The following AP2B1 variants were observed in gnomAD, a reference collection of about 807,000 sequenced individuals.
AP2B1 encodes the protein adaptor related protein complex 2 subunit beta 1, also known as AP-2 complex subunit beta.
In AP2B1, 23 loss-of-function variants were observed where a neutral mutation model predicts 102.0. The ratio of observed to expected loss-of-function variants is 0.23; its 90% CI spans 0.16 to 0.32. The LOEUF (loss-of-function observed/expected upper bound fraction) is 0.32. AP2B1 is among the 10% of genes least tolerant of loss of function. The pLI, the probability that AP2B1 is intolerant of heterozygous loss-of-function variation, is 1.00. For synonymous variants in AP2B1, 381 were observed against 421.2 expected, an observed-to-expected ratio of 0.90 and a Z score of 1.17; for missense variants, 541 against 1,157.4, an observed-to-expected ratio of 0.47 and a Z score of 7.73.
rs778942254 is a variant in AP2B1 at position 35,627,405 on chromosome 17, A to C, written c.959A>C (p.Glu320Ala). 1 of 1,613,870 alleles carries C rather than the reference A, an allele frequency of 6.2e-7. No homozygotes were observed. Among genetic ancestry groups the C allele is most frequent in the Non-Finnish European group, 8.5e-7 (1 of 1,179,972 alleles). Residue 320 changes from glutamate (E) to alanine (A), a missense_variant, in exon 8 of 22, where the codon GAA (glutamate) becomes GCA (alanine). By Grantham distance (107) the Glu-to-Ala change is moderately radical (BLOSUM62 -1). Coordinates refer to ENST00000610402, the MANE Select transcript of AP2B1 (RefSeq NM_001030006.2). ...CCTAGGCCTGAAATCTTGAAGCAGG[A>C]AATCAAAGTCTTCTTTGTGAAGTAC... Reference protein sequence around the residue: ...VQKRPEILKQEIKVFFVKYND... With the variant: ...VQKRPEILKQAIKVFFVKYND...
At chr17:35,601,045 G>T in intron 3 of AP2B1, 1 of 979,948 alleles carries the variant, frequency 1.0e-6, no homozygotes, top group Non-Finnish European at 1.2e-6. Context: ...TAAGGAGTTG[G>T]CAAACGTTTT....
intron 13 of AP2B1, among the ~76,000 whole-genome samples, chr17:35,656,461 C>T (rs2075221641): frequency 6.6e-6 from 1 of 152,200 alleles, no homozygotes. Context: ...TTAGATTACT[C>T]TTAGCTGATC....
At chr17:35,708,382 TTCCTGAATGTATATACCA>T (rs2076385220) in intron 18 of AP2B1, among the ~76,000 whole-genome samples, 1 of 152,146 alleles carries the variant, frequency 6.6e-6, no homozygotes, top group Non-Finnish European at 1.5e-5. Flanking sequence ...AATCTGCCTG[TTCCTGAATGTATATACCA>T]ATCAGTGTTG....
intron 5 of AP2B1, among the ~76,000 whole-genome samples, chr17:35,617,628 C>T (rs1251806492): frequency 2.6e-5 from 4 of 152,084 alleles, no homozygotes; most frequent in Admixed American, 1.3e-4. Flanking sequence ...AAGTAGTTCT[C>T]AACAGCAACT....
At chr17:35,688,194 CT>C (rs587682272) in intron 18 of AP2B1, among the ~76,000 whole-genome samples, 1,648 of 150,988 alleles carry the variant, frequency 0.011, 16 homozygotes, top group Non-Finnish European at 0.016. Context: ...GGTTTACTCC[CT>C]CTTTTGATGA....
chr17:35,606,540 T>A (rs972409425), intron 4 of AP2B1, among the ~76,000 whole-genome samples: 3 of 151,968 alleles, frequency 2.0e-5, no homozygotes, highest in African/African-American at 7.3e-5. Flanking sequence ...ACTCCCGGCG[T>A]GATTAATTTT....
intron 13 of AP2B1, among the ~76,000 whole-genome samples, chr17:35,652,709 C>T (rs1487899675): frequency 6.6e-6 from 1 of 152,046 alleles, no homozygotes; most frequent in African/African-American, 2.4e-5. Context: ...TCTATAGGAT[C>T]ATTTATATCT....
At chr17:35,680,136 G>T (rs587644624) in intron 17 of AP2B1, among the ~76,000 whole-genome samples, 56 of 152,150 alleles carry the variant, frequency 3.7e-4, no homozygotes, top group African/African-American at 1.3e-3. Flanking sequence ...TCAAACTCCT[G>T]ACCTCAGGTG....
intron 5 of AP2B1, among the ~76,000 whole-genome samples, chr17:35,617,286 C>T (rs2074051575): frequency 6.6e-6 from 1 of 152,136 alleles, no homozygotes; most frequent in African/African-American, 2.4e-5. Flanking sequence ...GAATTCCTGA[C>T]CTCAAGTGAT....
intron 14 of AP2B1, among the ~76,000 whole-genome samples, chr17:35,667,713 CT>C (rs1171146647): frequency 6.6e-6 from 1 of 152,106 alleles, no homozygotes; most frequent in Non-Finnish European, 1.5e-5. Context: ...CTGCTGTTTC[CT>C]TTCCAATGTG....
intron 18 of AP2B1, among the ~76,000 whole-genome samples, chr17:35,691,960 G>A (rs1272036029): frequency 6.6e-6 from 1 of 152,134 alleles, no homozygotes; most frequent in Non-Finnish European, 1.5e-5. Context: ...TGTCCTTAGT[G>A]AGAACACTCC....
At chr17:35,613,335 T>C (rs1246998635) in intron 5 of AP2B1, among the ~76,000 whole-genome samples, 1 of 151,734 alleles carries the variant, frequency 6.6e-6, no homozygotes, top group African/African-American at 2.4e-5. Flanking sequence ...CTTGGTGTTA[T>C]ATTGACCTCA....
chr17:35,666,454 C>T (rs1598223278), intron 14 of AP2B1, among the ~76,000 whole-genome samples: 1 of 152,266 alleles, frequency 6.6e-6, no homozygotes, highest in South Asian at 2.1e-4. Context: ...GTATCAGTTA[C>T]AGATTTTTAA....
chr17:35,619,415 G>C (rs1415328572), intron 5 of AP2B1, among the ~76,000 whole-genome samples: 1 of 152,098 alleles, frequency 6.6e-6, no homozygotes, highest in Non-Finnish European at 1.5e-5. Context: ...GGCCAAGGCA[G>C]GAAGATTGCC....
At chr17:35,619,504 G>A (rs956056977) in intron 5 of AP2B1, among the ~76,000 whole-genome samples, 2 of 151,594 alleles carry the variant, frequency 1.3e-5, no homozygotes, top group Non-Finnish European at 2.9e-5. Context: ...AAAACAACCA[G>A]CAGATTCCAC....
chr17:35,617,659 G>T (rs1238707979), intron 5 of AP2B1, among the ~76,000 whole-genome samples: 2 of 152,286 alleles, frequency 1.3e-5, no homozygotes, highest in South Asian at 4.1e-4. Context: ...TGGATCTGTT[G>T]TGTGTTGTTT....
chr17:35,597,871 C>A (rs541303372), intron 2 of AP2B1, among the ~76,000 whole-genome samples: 1 of 152,286 alleles, frequency 6.6e-6, no homozygotes, highest in African/African-American at 2.4e-5. Flanking sequence ...TCCCTACCTA[C>A]GTTTATGTTC....
intron 9 of AP2B1, among the ~76,000 whole-genome samples, chr17:35,635,745 G>A (rs1174151083): frequency 6.6e-6 from 1 of 152,112 alleles, no homozygotes; most frequent in Non-Finnish European, 1.5e-5. Flanking sequence ...TGCCCAGGCT[G>A]GAGTACAATG....
At chr17:35,691,639 T>C (rs1304902331) in intron 18 of AP2B1, among the ~76,000 whole-genome samples, 1 of 152,238 alleles carries the variant, frequency 6.6e-6, no homozygotes, top group Non-Finnish European at 1.5e-5. Flanking sequence ...GTGGTGGATC[T>C]TTCGGAAACT....
Sources: allele counts gnomAD v4.1 joint callset (sites outside exome capture counted in the v4.1 genomes callset), GRCh38; gene constraint gnomAD v4.1.1; transcripts MANE v1.5; gene names NCBI Gene and HGNC (gene_info 2026-07-23, HGNC 2026-07-21).